Variants in TMEM230 observed in about 807,000 individuals in gnomAD.
TMEM230 encodes the protein UPF0414 transmembrane protein C20orf30.
A neutral mutation model predicts 15.8 loss-of-function variants in TMEM230; 10 were observed. The ratio of observed to expected loss-of-function variants is 0.63; its 90% CI spans 0.39 to 1.07. TMEM230 has a LOEUF of 1.07. TMEM230 is among the 50% of genes least tolerant of loss of function. TMEM230 has a pLI of 0.01. For missense variants in TMEM230, 165 were observed against 193.3 expected, an observed-to-expected ratio of 0.85 and a Z score of 0.87; for synonymous variants, 67 against 76.9, an observed-to-expected ratio of 0.87 and a Z score of 0.68.
chr20:5,077,288 A>G (rs1213467374), intron 3 of TMEM230, among the ~76,000 whole-genome samples: 1 of 152,102 alleles, frequency 6.6e-6, no homozygotes, highest in African/African-American at 2.4e-5. Flanking sequence ...AGCCTAGGCA[A>G]CAGAGCAAGA....
chr20:5,067,386 C>T (rs1222487527), downstream of TMEM230: 1 of 141,710 alleles, frequency 7.1e-6, no homozygotes, highest in Non-Finnish European at 1.5e-5. Context: ...ATGAATATGC[C>T]ACAATGTCAA....
chr20:5,097,870 C>CA (rs5840072), downstream of TMEM230, among the ~76,000 whole-genome samples: 82,552 of 151,538 alleles, frequency 0.54, 23,025 homozygotes, highest in East Asian at 0.84. Flanking sequence ...CTCGGCCTCC[C>CA]AAGTGCTGGG....
chr20:5,087,157 A>AGCC (rs2089366168), intron 3 of TMEM230, among the ~76,000 whole-genome samples: 1 of 152,196 alleles, frequency 6.6e-6, no homozygotes, highest in South Asian at 2.1e-4. Context: ...TATAGGCATG[A>AGCC]GCCGCCATGG....
intron 4 of TMEM230, among the ~76,000 whole-genome samples, chr20:5,103,900 C>A: frequency 6.6e-6 from 1 of 152,046 alleles, no homozygotes. Context: ...TTGAGTAATG[C>A]CCCCAAAAGC....
chr20:5,084,333 C>A lies in TMEM230; in HGVS notation c.223-14984G>T, dbSNP rs2089270988. 2.0e-5 allele frequency among the ~76,000 whole-genome samples: 3 copies of A among 150,674 alleles called. No homozygotes were observed. In the South Asian group the frequency reaches 6.3e-4, roughly 31 times the overall value. ...CCACCTCTTGGGTTCAAGAGATTCT[C>A]CTGCCTCAGCCCCCTGAGTAACTGG... On this transcript the variant is annotated intron_variant, in intron 3 of 3. Transcript: ENST00000612323.
At chr20:5,071,635 A>C (rs975671750) in intron 3 of TMEM230, among the ~76,000 whole-genome samples, 34 of 12,900 alleles carry the variant, frequency 2.6e-3, no homozygotes, top group African/African-American at 3.2e-3. Context: ...AAAAAAAAAA[A>C]AAACAAAAAG....
chr20:5,105,779 C>T (rs931905739), intron 4 of TMEM230, among the ~76,000 whole-genome samples: 1 of 151,992 alleles, frequency 6.6e-6, no homozygotes, highest in African/African-American at 2.4e-5. Context: ...TGGTTCACAC[C>T]TGCAATCCCA....
intron 3 of TMEM230, among the ~76,000 whole-genome samples, chr20:5,090,730 T>A (rs1016308605): frequency 1.8e-5 from 2 of 113,300 alleles, no homozygotes; most frequent in African/African-American, 5.4e-5. Context: ...TTAATATTGA[T>A]CCAACCAAAA....
intron 3 of TMEM230, among the ~76,000 whole-genome samples, chr20:5,076,992 A>C (rs1416488958): frequency 6.7e-6 from 1 of 148,860 alleles, no homozygotes; most frequent in Non-Finnish European, 1.5e-5. Flanking sequence ...GATATTCTTT[A>C]AATTCATTCA....
intron 3 of TMEM230, among the ~76,000 whole-genome samples, chr20:5,087,618 C>T (rs1426623214): frequency 2.6e-5 from 4 of 151,168 alleles, no homozygotes; most frequent in Non-Finnish European, 4.4e-5. Flanking sequence ...CTGTCCCCTA[C>T]CCTAGCTGGG....
intron 3 of TMEM230, among the ~76,000 whole-genome samples, chr20:5,089,215 A>C (rs1272572559): frequency 2.0e-5 from 3 of 152,112 alleles, no homozygotes; most frequent in Non-Finnish European, 4.4e-5. Flanking sequence ...TCTACTAAAA[A>C]TACAAAAAAA....
intron 3 of TMEM230, among the ~76,000 whole-genome samples, chr20:5,078,051 G>GC (rs1264413030): frequency 2.0e-5 from 3 of 152,138 alleles, no homozygotes; most frequent in African/African-American, 7.2e-5. Context: ...CAACCTCACT[G>GC]CCCCATGGAA....
At chr20:5,081,001 TATG>T (rs2089160023) in intron 3 of TMEM230, among the ~76,000 whole-genome samples, 1 of 152,238 alleles carries the variant, frequency 6.6e-6, no homozygotes, top group African/African-American at 2.4e-5. Flanking sequence ...GTTACAGCAA[TATG>T]ATGTTGTCAC....
At chr20:5,101,378 A>C (rs2089854582) in intron 4 of TMEM230, among the ~76,000 whole-genome samples, 2 of 152,168 alleles carry the variant, frequency 1.3e-5, no homozygotes, top group African/African-American at 4.8e-5. Flanking sequence ...CCACTACAAT[A>C]AACTCTGTGT....
chr20:5,059,908 T>C, the TMEM230 span, among the ~76,000 whole-genome samples: 1 of 108,872 alleles, frequency 9.2e-6, no homozygotes, highest in African/African-American at 3.6e-5. Context: ...GCCTCCTGAG[T>C]AGCCAGGCAA....
chr20:5,105,317 T>C (rs1375852523), intron 4 of TMEM230, among the ~76,000 whole-genome samples: 1 of 151,504 alleles, frequency 6.6e-6, no homozygotes, highest in Non-Finnish European at 1.5e-5. Flanking sequence ...TATGTATGTA[T>C]GTGTATATGT....
chr20:5,064,861 T>C (rs1473047479), downstream of TMEM230, among the ~76,000 whole-genome samples: 1 of 151,770 alleles, frequency 6.6e-6, no homozygotes, highest in Non-Finnish European at 1.5e-5. Context: ...AAAGTACAGA[T>C]ACTTGTACAG....
chr20:5,067,894 G>T, downstream of TMEM230: 1 of 152,086 alleles, frequency 6.6e-6, no homozygotes. Flanking sequence ...AGAGTAGCTG[G>T]GAGTACAGGC....
intron 3 of TMEM230, among the ~76,000 whole-genome samples, chr20:5,069,961 C>T (rs1329376085): frequency 1.3e-5 from 2 of 152,146 alleles, no homozygotes; most frequent in South Asian, 2.1e-4. Context: ...CTGCCTGCCT[C>T]GACCTCCCAA....
Sources: allele counts gnomAD v4.1 joint callset (sites outside exome capture counted in the v4.1 genomes callset), GRCh38; gene constraint gnomAD v4.1.1; transcripts MANE v1.5; gene names NCBI Gene and HGNC (gene_info 2026-07-23, HGNC 2026-07-21).